Variants in FRMPD4 observed in about 807,000 individuals in gnomAD.
The protein encoded by FRMPD4 is FERM and PDZ domain containing 4.
In FRMPD4, 22 loss-of-function variants were observed where a neutral mutation model predicts 94.1. That is an observed-to-expected ratio of 0.23 (90% CI 0.17 to 0.33). FRMPD4 has a LOEUF of 0.33. Ranked by LOEUF, FRMPD4 falls within the 10% of genes least tolerant of loss-of-function variation. FRMPD4 has a pLI of 1.00. For missense variants in FRMPD4, 1,111 were observed against 1,339.9 expected (o/e 0.83, Z 2.67); for synonymous variants, 631 against 548.6 (o/e 1.15, Z -2.10).
chrX:11,855,102 G>C (rs1342559788), intron 1 of FRMPD4, among the ~76,000 whole-genome samples: 2 of 112,822 alleles, frequency 1.8e-5, no homozygotes, highest in African/African-American at 6.4e-5. Context: ...CCAACACCAT[G>C]TATAAGATAC....
At chrX:12,111,800 A>C (rs1162905943) in intron 3 of FRMPD4, among the ~76,000 whole-genome samples, 1 of 112,278 alleles carries the variant, frequency 8.9e-6, no homozygotes, top group Non-Finnish European at 1.9e-5. Context: ...TATGCAGCCA[A>C]CAGACACATG....
intron 3 of FRMPD4, among the ~76,000 whole-genome samples, chrX:12,067,333 C>T (rs1428692327): frequency 1.8e-5 from 2 of 111,700 alleles, no homozygotes; most frequent in Non-Finnish European, 1.9e-5. Context: ...CTATGGCCAG[C>T]AGGGATGCCA....
rs2042242903 is a variant in FRMPD4 at position 12,721,671 on chromosome X, G to A, written c.5102G>A (p.Arg1701Gln). The change falls in exon 17 of 17, where the codon CGG becomes CAG. Residue 1701 changes from arginine (R) to glutamine (Q), a missense_variant. Transcript: ENST00000675598. ...LVKVVNSETQ[R>Q]QEIVGKIDEV... Reference sequence around the variant, plus strand: ...AAAGTCGTGAACTCAGAAACACAGCGGCAGGAAATTGTAGGGAAGATCGAT... The same window carrying A: ...AAAGTCGTGAACTCAGAAACACAGCAGCAGGAAATTGTAGGGAAGATCGAT... 4.0e-6 allele frequency: 3 copies of A among 752,674 alleles called. No homozygotes were observed. The highest frequency in any genetic ancestry group is 4.7e-6 in the Non-Finnish European group (3 of 636,360). The allele number at this position is 752,674 out of a possible 1,213,427, so 62.0% of individuals were successfully genotyped here.
At chrX:11,860,589 G>T (rs1161867354) in intron 1 of FRMPD4, among the ~76,000 whole-genome samples, 1 of 112,275 alleles carries the variant, frequency 8.9e-6, no homozygotes, top group Non-Finnish European at 1.9e-5. Flanking sequence ...CCCTCTGGGT[G>T]TCAGCTCCCC....
At chrX:12,551,415 C>T (rs2058535990) in intron 2 of FRMPD4, among the ~76,000 whole-genome samples, 1 of 110,673 alleles carries the variant, frequency 9.0e-6, no homozygotes, top group Admixed American at 9.8e-5. Context: ...ACAGCAATTT[C>T]TTAATACTAC....
At chrX:12,012,369 A>G (rs1029055450) in intron 3 of FRMPD4, among the ~76,000 whole-genome samples, 27 of 111,973 alleles carry the variant, frequency 2.4e-4, no homozygotes, top group African/African-American at 8.8e-4. Flanking sequence ...TTATTTGTAG[A>G]CATCCTTTAC....
intron 1 of FRMPD4, among the ~76,000 whole-genome samples, chrX:12,161,533 G>A (rs2056025981): frequency 8.9e-6 from 1 of 111,741 alleles, no homozygotes; most frequent in Non-Finnish European, 1.9e-5. Context: ...CAGTGGGATA[G>A]GTTCTATTGT....
intron 2 of FRMPD4, among the ~76,000 whole-genome samples, chrX:12,554,417 T>C (rs1228311876): frequency 8.9e-6 from 1 of 111,779 alleles, no homozygotes; most frequent in African/African-American, 3.3e-5. Flanking sequence ...TCTGGGTCAT[T>C]GTTTGTGAAA....
At chrX:12,299,888 C>G (rs1030237339) in intron 1 of FRMPD4, among the ~76,000 whole-genome samples, 1 of 112,081 alleles carries the variant, frequency 8.9e-6, no homozygotes, top group Non-Finnish European at 1.9e-5. Context: ...AACTCTCCAA[C>G]AAAAGCAAAA....
At chrX:12,462,413 T>C (rs879209715) in intron 1 of FRMPD4, among the ~76,000 whole-genome samples, 1 of 112,072 alleles carries the variant, frequency 8.9e-6, no homozygotes, top group African/African-American at 3.2e-5. Context: ...TTTTTTCATA[T>C]GGAAACTTAA....
At chrX:12,476,698 A>T (rs185766684) in intron 1 of FRMPD4, among the ~76,000 whole-genome samples, 2,259 of 112,348 alleles carry the variant, frequency 0.02, 31 homozygotes, top group Non-Finnish European at 0.031. Flanking sequence ...TATGCAGCCA[A>T]CAGACACGTG....
At chrX:12,331,567 T>G (rs1377069175) in intron 1 of FRMPD4, among the ~76,000 whole-genome samples, 3 of 90,704 alleles carry the variant, frequency 3.3e-5, no homozygotes, top group Non-Finnish European at 6.3e-5. Context: ...ATGAAACTCA[T>G]CTCACTTAGT....
intron 1 of FRMPD4, among the ~76,000 whole-genome samples, chrX:12,478,659 A>G (rs1253568601): frequency 1.8e-5 from 2 of 111,847 alleles, no homozygotes; most frequent in Non-Finnish European, 3.8e-5. Flanking sequence ...GTGTCAAGAG[A>G]GAAGCAGTTT....
intron 5 of FRMPD4, among the ~76,000 whole-genome samples, chrX:12,681,753 A>G (rs1322728480): frequency 1.8e-5 from 2 of 111,160 alleles, no homozygotes; most frequent in Non-Finnish European, 3.8e-5. Flanking sequence ...CACACCTTGT[A>G]TCATACTTTT....
chrX:11,880,483 A>G (rs2053807513), intron 3 of FRMPD4, among the ~76,000 whole-genome samples: 1 of 111,595 alleles, frequency 9.0e-6, no homozygotes, highest in Admixed American at 9.5e-5. Flanking sequence ...CTATATTGCT[A>G]TATATCCTAA....
intron 2 of FRMPD4, among the ~76,000 whole-genome samples, chrX:12,589,207 G>A (rs2058959952): frequency 9.0e-6 from 1 of 111,695 alleles, no homozygotes; most frequent in Non-Finnish European, 1.9e-5. Flanking sequence ...TTTTAAATTA[G>A]GCTAATATTG....
intron 1 of FRMPD4, among the ~76,000 whole-genome samples, chrX:12,472,288 T>C (rs943927179): frequency 1.8e-5 from 2 of 112,311 alleles, no homozygotes; most frequent in African/African-American, 6.5e-5. Context: ...TCAGCTGCAC[T>C]TAAAACTATG....
intron 1 of FRMPD4, among the ~76,000 whole-genome samples, chrX:12,357,031 A>G (rs994554737): frequency 8.9e-6 from 1 of 112,275 alleles, no homozygotes; most frequent in African/African-American, 3.2e-5. Flanking sequence ...AGAAAGCTCT[A>G]GGGGAAAGAT....
intron 2 of FRMPD4, among the ~76,000 whole-genome samples, chrX:12,565,285 G>A (rs1270276771): frequency 9.0e-6 from 1 of 111,566 alleles, no homozygotes; most frequent in Non-Finnish European, 1.9e-5. Flanking sequence ...ACTCTTGAGT[G>A]TAAGCTACAC....
Sources: allele counts gnomAD v4.1 joint callset (sites outside exome capture counted in the v4.1 genomes callset), GRCh38; gene constraint gnomAD v4.1.1; transcripts MANE v1.5; gene names NCBI Gene and HGNC (gene_info 2026-07-23, HGNC 2026-07-21).